The following THEMIS variants were observed in gnomAD, a reference collection of about 807,000 sequenced individuals.
THEMIS encodes the protein thymocyte selection associated.
Under a neutral mutation model 52.6 loss-of-function variants are expected in THEMIS, and 37 were observed. The ratio of observed to expected loss-of-function variants is 0.70; its 90% CI spans 0.54 to 0.93. The LOEUF is 0.93. Among genes scored for constraint, THEMIS ranks in the 40% least tolerant of loss-of-function variants. The pLI is 0.00. For missense variants in THEMIS, 808 were observed against 763.1 expected, an observed-to-expected ratio of 1.06 and a Z score of -0.69; for synonymous variants, 292 against 272.7, an observed-to-expected ratio of 1.07 and a Z score of -0.70.
At position 127,856,879 on chromosome 6, in the gene THEMIS, C is replaced by T. The variant is rs144154563; in HGVS notation, c.92-1691G>A. Among the ~76,000 whole-genome samples, 9 of 151,992 alleles carry T rather than the reference C, an allele frequency of 5.9e-5. No individual in the cohort carries two copies. The South Asian group carries it at 1.2e-3, about 21-fold the overall frequency. Reference sequence around the variant, plus strand: ...CTCTGAATGGTTATTTGCTATGATCCTCATTTGGCAATTAATCACATACTA... The same window carrying T: ...CTCTGAATGGTTATTTGCTATGATCTTCATTTGGCAATTAATCACATACTA... On this transcript the variant is annotated intron_variant, in intron 1 of 5. Transcript: ENST00000368248.
chr6:127,861,621 A>G (rs1169724740), intron 1 of THEMIS, among the ~76,000 whole-genome samples: 1 of 151,858 alleles, frequency 6.6e-6, no homozygotes, highest in Admixed American at 6.6e-5. Context: ...TGTCTCTACT[A>G]AAAATACAAA....
At chr6:127,907,183 G>GA (rs955463139) in intron 1 of THEMIS, among the ~76,000 whole-genome samples, 1 of 151,672 alleles carries the variant, frequency 6.6e-6, no homozygotes, top group African/African-American at 2.4e-5. Context: ...TTCTAAAGAA[G>GA]AAAAAATTAG....
At chr6:127,843,062 G>T (rs1455557721) in intron 2 of THEMIS, among the ~76,000 whole-genome samples, 1 of 151,888 alleles carries the variant, frequency 6.6e-6, no homozygotes, top group East Asian at 1.9e-4. Flanking sequence ...CCCAAAGCTT[G>T]TTTTTAATAC....
intron 1 of THEMIS, among the ~76,000 whole-genome samples, chr6:127,876,662 G>A (rs1210900488): frequency 1.3e-5 from 2 of 152,150 alleles, no homozygotes; most frequent in African/African-American, 2.4e-5. Context: ...GCAGGTAAAG[G>A]AAAGTCAGGA....
At chr6:127,753,858 C>A (rs988614070) in intron 4 of THEMIS, among the ~76,000 whole-genome samples, 8 of 151,512 alleles carry the variant, frequency 5.3e-5, no homozygotes, top group Non-Finnish European at 8.8e-5. Context: ...ACACTGTATT[C>A]TTATATTTAA....
At chr6:127,814,005 C>T (rs1778040668) in intron 3 of THEMIS, 74 bp from the exon 4 acceptor site, 1 of 1,206,592 alleles carries the variant, frequency 8.3e-7, no homozygotes, top group South Asian at 1.8e-5. Flanking sequence ...CTCCTGATGC[C>T]ATAAATAAAT....
chr6:127,750,973 T>C (rs1775622495), intron 4 of THEMIS, among the ~76,000 whole-genome samples: 1 of 151,722 alleles, frequency 6.6e-6, no homozygotes, highest in African/African-American at 2.4e-5. Flanking sequence ...TGAAGGGAAG[T>C]ATTCAAGGTG....
chr6:127,723,531 G>A lies in THEMIS; in HGVS notation c.1759-3708C>T, dbSNP rs191132699. ...CTTGATCTACCACCTGTATGTTTAT[G>A]ACTCCAGCGGGGAGGTAGAGATTTA... On this transcript the variant is annotated intron_variant, in intron 4 of 5. Coordinates refer to ENST00000368248, the MANE Select transcript of THEMIS (RefSeq NM_001010923.3). 3.5e-4 allele frequency among the ~76,000 whole-genome samples: 53 copies of A among 152,050 alleles called. 2 individuals carry two copies. The East Asian group carries it at 9.9e-3, about 28-fold the overall frequency.
intron 4 of THEMIS, among the ~76,000 whole-genome samples, chr6:127,800,800 G>A (rs752344017): frequency 4.6e-5 from 7 of 152,074 alleles, no homozygotes; most frequent in African/African-American, 7.2e-5. Flanking sequence ...CTTGAACATC[G>A]GACTCCAAGT....
chr6:127,868,414 A>G, intron 1 of THEMIS: 2 of 985,202 alleles, frequency 2.0e-6, no homozygotes, highest in Non-Finnish European at 1.2e-6. Context: ...GAAAAGAAAA[A>G]AGGAATGGAG....
chr6:127,719,622 A>T lies in THEMIS; in HGVS notation c.1894+66T>A. 3 of 1,442,222 alleles carry T rather than the reference A, an allele frequency of 2.1e-6. No homozygotes were observed. In the South Asian group the frequency reaches 4.1e-5, roughly 20 times the overall value. The allele number at this position is 1,442,222 out of a possible 1,614,324, so 89.3% of individuals were successfully genotyped here. On this transcript the variant is annotated intron_variant, in intron 5 of 5. Coordinates refer to ENST00000368248, the MANE Select transcript of THEMIS (RefSeq NM_001010923.3). The stretch of plus-strand genomic sequence containing the variant: ...ATAAAATAATAGTAAGAATCTGTCC[A>T]TTGCACCTTTGTCATGTGGACAGTT...
chr6:127,703,035 GT>G, the THEMIS span, among the ~76,000 whole-genome samples: 230 of 82,344 alleles, frequency 2.8e-3, 1 homozygote, highest in African/African-American at 0.01. Flanking sequence ...TTTAGAATGA[GT>G]TTTTTTTTTT....
At chr6:127,740,182 T>A (rs901921657) in intron 4 of THEMIS, among the ~76,000 whole-genome samples, 30 of 152,176 alleles carry the variant, frequency 2.0e-4, no homozygotes, top group Non-Finnish European at 4.4e-4. Context: ...TTTTTTTTCC[T>A]GCTTTGTAGG....
At chr6:127,738,102 C>T (rs917215195) in intron 4 of THEMIS, among the ~76,000 whole-genome samples, 4 of 152,000 alleles carry the variant, frequency 2.6e-5, no homozygotes, top group Non-Finnish European at 5.9e-5. Context: ...CTACCCTGGC[C>T]TAAGGTCTCA....
At chr6:127,852,741 A>G (rs1451447116) in intron 2 of THEMIS, among the ~76,000 whole-genome samples, 1 of 151,542 alleles carries the variant, frequency 6.6e-6, no homozygotes, top group Non-Finnish European at 1.5e-5. Flanking sequence ...CTTTCTCCTT[A>G]GTGCTGATGT....
At chr6:127,806,834 T>C (rs1016419347) in intron 4 of THEMIS, among the ~76,000 whole-genome samples, 13 of 152,210 alleles carry the variant, frequency 8.5e-5, no homozygotes, top group East Asian at 1.9e-4. Flanking sequence ...GTATGTGCCA[T>C]TGGGCACAGA....
chr6:127,776,953 G>C (rs186298378), intron 4 of THEMIS, among the ~76,000 whole-genome samples: 9 of 151,950 alleles, frequency 5.9e-5, no homozygotes, highest in Admixed American at 3.3e-4. Flanking sequence ...TTGCCCTAAA[G>C]TCCATTTTAT....
rs1779285735 is a variant in THEMIS at position 127,848,094 on chromosome 6, G to GGT, written c.250+6934_250+6935dup. Among the ~76,000 whole-genome samples the GGT allele has an allele frequency of 2.5e-4, 23 of 91,078 alleles. No individual in the cohort carries two copies. In the South Asian group the frequency reaches 7.6e-3, roughly 30 times the overall value. 59.8% of individuals were successfully genotyped at this position (91,078 alleles called of 152,430 possible). On this transcript the variant is annotated intron_variant, in intron 2 of 5. Transcript: ENST00000368248. ...TCCCCCCCACCCCACAACAGGCCCC[G>GGT]GTGTGTGTGTGATGTTCCCCTTCCT... is the stretch of plus-strand genomic sequence containing the variant.
chr6:127,703,726 G>T (rs1773761240), downstream of THEMIS, among the ~76,000 whole-genome samples: 1 of 152,156 alleles, frequency 6.6e-6, no homozygotes, highest in Non-Finnish European at 1.5e-5. Flanking sequence ...ACAAGATGTG[G>T]TCATATGGAT....
Sources: gnomAD v4.1 joint callset for allele counts (sites outside exome capture counted in the v4.1 genomes callset) on GRCh38, gnomAD v4.1.1 for gene constraint, MANE v1.5 for transcripts, NCBI Gene and HGNC (gene_info 2026-07-23, HGNC 2026-07-21) for gene names.